The following CD2AP variants were observed in gnomAD, a reference collection of about 807,000 sequenced individuals.
The protein encoded by CD2AP is CD2-associated protein.
In CD2AP, 46 loss-of-function variants were observed where a neutral mutation model predicts 85.1. The ratio of observed to expected loss-of-function variants is 0.54; its 90% CI spans 0.43 to 0.69. The LOEUF (loss-of-function observed/expected upper bound fraction) is 0.69. Among genes scored for constraint, CD2AP ranks in the 30% least tolerant of loss-of-function variants. The probability of loss-of-function intolerance (pLI) is 0.00; values close to 1 mark genes in which losing one functional copy is unlikely to be tolerated. For synonymous variants in CD2AP, 255 were observed against 252.9 expected, an observed-to-expected ratio of 1.01 and a Z score of -0.08; for missense variants, 769 against 729.5, an observed-to-expected ratio of 1.05 and a Z score of -0.62.
intron 4 of CD2AP, among the ~76,000 whole-genome samples, chr6:47,545,760 A>T (rs888669159): frequency 6.6e-6 from 1 of 152,166 alleles, no homozygotes; most frequent in Non-Finnish European, 1.5e-5. Flanking sequence ...CAGAAGAGAG[A>T]TAATCTCTAC....
chr6:47,562,966 G>A (rs901173730), intron 5 of CD2AP: 16 of 499,332 alleles, frequency 3.2e-5, no homozygotes, highest in African/African-American at 3.0e-4. Context: ...AAGGACTATG[G>A]CAAAGAATCT....
At chr6:47,564,407 A>T (rs1582564576) in intron 5 of CD2AP, among the ~76,000 whole-genome samples, 1 of 152,304 alleles carries the variant, frequency 6.6e-6, no homozygotes, top group East Asian at 1.9e-4. Context: ...AGCACAAGAG[A>T]TCTAATTTAT....
intron 5 of CD2AP, among the ~76,000 whole-genome samples, chr6:47,566,224 C>CTT (rs1037420760): frequency 7.0e-6 from 1 of 143,238 alleles, no homozygotes; most frequent in African/African-American, 2.5e-5. Context: ...ATTCTCTTCT[C>CTT]TTTTTTTTTT....
intron 4 of CD2AP, among the ~76,000 whole-genome samples, chr6:47,554,369 A>G (rs1161541372): frequency 6.6e-6 from 1 of 152,220 alleles, no homozygotes; most frequent in African/African-American, 2.4e-5. Context: ...GTTATCTGAT[A>G]CTTTCATGAA....
intron 6 of CD2AP, among the ~76,000 whole-genome samples, chr6:47,575,076 C>T (rs1198198514): frequency 1.3e-5 from 2 of 152,098 alleles, no homozygotes; most frequent in South Asian, 2.1e-4. Flanking sequence ...TAACTTGCTA[C>T]GTATTTTCTT....
At chr6:47,541,845 G>A (rs1346014518) in intron 3 of CD2AP, among the ~76,000 whole-genome samples, 1 of 152,130 alleles carries the variant, frequency 6.6e-6, no homozygotes, top group Non-Finnish European at 1.5e-5. Context: ...TATTTCTATT[G>A]TAGCATGACA....
At chr6:47,593,896 A>G (rs960231190) in intron 11 of CD2AP, among the ~76,000 whole-genome samples, 3 of 152,110 alleles carry the variant, frequency 2.0e-5, no homozygotes, top group African/African-American at 4.8e-5. Flanking sequence ...GGAATCCTCA[A>G]TGGGTAAACA....
At chr6:47,612,450 A>C (rs1769470804) in intron 16 of CD2AP, 23 bp from the exon 17 acceptor site, 2 of 1,477,260 alleles carry the variant, frequency 1.4e-6, no homozygotes, top group African/African-American at 1.4e-5. Flanking sequence ...AAGACTTAAC[A>C]GTAATAAGTA....
chr6:47,599,301 G>T lies in CD2AP; in HGVS notation c.1275G>T (p.Lys425Asn), dbSNP rs1173259038. 2 of 1,611,312 alleles carry T rather than the reference G, an allele frequency of 1.2e-6. No homozygotes were observed. Among genetic ancestry groups the T allele is most frequent in the Non-Finnish European group, 1.7e-6 (2 of 1,178,394 alleles). ...KPVPPPPPIA[K>N]INGEVSSISS... is the part of the protein sequence containing the mutation. ...TTTGCGTGTTTTTTTCTTATTTCAGGATTAATGGGGAAGTTTCTAGCATTT... is the reference window on the plus strand; with the variant it reads ...TTTGCGTGTTTTTTTCTTATTTCAGTATTAATGGGGAAGTTTCTAGCATTT... The change falls in exon 13 of 18, where the codon AAG becomes AAT. Residue 425 changes from lysine to asparagine, a missense_variant and splice_region_variant. Coordinates refer to ENST00000359314, the MANE Select transcript of CD2AP (RefSeq NM_012120.3).
chr6:47,585,956 C>T (rs895255573), intron 11 of CD2AP, among the ~76,000 whole-genome samples: 1 of 152,184 alleles, frequency 6.6e-6, no homozygotes. Flanking sequence ...TTTGGTACAA[C>T]TTAAAAGCAT....
chr6:47,503,284 C>G lies in CD2AP; in HGVS notation c.9C>G (p.Asp3Glu). The G allele has an allele frequency of 6.2e-7, 1 of 1,612,988 alleles. No individual in the cohort carries two copies. The highest frequency in any genetic ancestry group is 8.5e-7 in the Non-Finnish European group (1 of 1,179,412). The change falls in exon 2 of 18, where the codon GAC (aspartate) becomes GAG (glutamate). Residue 3 changes from aspartate (D) to glutamate (E), a missense_variant. Asp to Glu is a conservative substitution (Grantham distance 45). Coordinates refer to ENST00000359314, the MANE Select transcript of CD2AP (RefSeq NM_012120.3). MV[D>E]YIVEYDYDAV... Reference sequence around the variant, plus strand: ...CGTTTTTTCCCCCTTTTTTAGTTGACTATATTGTGGAGTATGACTATGATG... The same window carrying G: ...CGTTTTTTCCCCCTTTTTTAGTTGAGTATATTGTGGAGTATGACTATGATG...
chr6:47,602,068 A>C (rs1217433364), intron 13 of CD2AP, among the ~76,000 whole-genome samples: 1 of 151,854 alleles, frequency 6.6e-6, no homozygotes, highest in Non-Finnish European at 1.5e-5. Flanking sequence ...TTTTGTTCTA[A>C]TCTATAAAGG....
At chr6:47,614,707 A>G (rs1769535101) in intron 17 of CD2AP, among the ~76,000 whole-genome samples, 1 of 152,230 alleles carries the variant, frequency 6.6e-6, no homozygotes, top group African/African-American at 2.4e-5. Context: ...GGATTACCAC[A>G]AGCCTTTGAT....
At position 47,610,928 on chromosome 6, in the gene CD2AP, A is replaced by G. The variant is rs1000764825; in HGVS notation, c.1815-1545A>G. ...GTAGGTGCTCTTAAATTAGCTCTAG[A>G]ACGGATAAAATATTTCTGATTTATA... On this transcript the variant is annotated intron_variant, in intron 16 of 17. Coordinates refer to ENST00000359314, the MANE Select transcript of CD2AP (RefSeq NM_012120.3). 2.8e-4 allele frequency among the ~76,000 whole-genome samples: 39 copies of G among 137,684 alleles called. 1 individual carries two copies. Among genetic ancestry groups the G allele is most frequent in the Non-Finnish European group, 9.3e-5 (6 of 64,440 alleles). The allele number at this position is 137,684 out of a possible 152,430, so 90.3% of individuals were successfully genotyped here.
intron 5 of CD2AP, chr6:47,562,683 T>C: frequency 1.6e-6 from 1 of 622,356 alleles, no homozygotes; most frequent in Non-Finnish European, 3.0e-6. Context: ...TTATGGGAGG[T>C]TCAGAAGACC....
intron 3 of CD2AP, among the ~76,000 whole-genome samples, chr6:47,537,158 C>T (rs1767073365): frequency 6.6e-6 from 1 of 152,122 alleles, no homozygotes; most frequent in Admixed American, 6.5e-5. Flanking sequence ...TGAAACAATG[C>T]CAGTCTACAC....
intron 4 of CD2AP, among the ~76,000 whole-genome samples, chr6:47,548,928 C>A (rs993466960): frequency 6.6e-6 from 1 of 152,014 alleles, no homozygotes; most frequent in Non-Finnish European, 1.5e-5. Flanking sequence ...TGATATGTCA[C>A]ATAAACAGAA....
At chr6:47,500,011 G>A (rs1299169739) in intron 1 of CD2AP, among the ~76,000 whole-genome samples, 2 of 152,184 alleles carry the variant, frequency 1.3e-5, no homozygotes, top group Admixed American at 6.5e-5. Context: ...TTACAGGCGT[G>A]AGCCACTGCC....
At chr6:47,612,898 T>C (rs1177710816) in intron 17 of CD2AP, among the ~76,000 whole-genome samples, 1 of 152,162 alleles carries the variant, frequency 6.6e-6, no homozygotes, top group East Asian at 1.9e-4. Context: ...GGGTATTCTT[T>C]TGAAATTGGA....
Sources: allele counts gnomAD v4.1 joint callset (sites outside exome capture counted in the v4.1 genomes callset), GRCh38; gene constraint gnomAD v4.1.1; transcripts MANE v1.5; gene names NCBI Gene and HGNC (gene_info 2026-07-23, HGNC 2026-07-21).